The following CYP2C18 variants were observed in gnomAD, a reference collection of about 807,000 sequenced individuals.
CYP2C18 encodes the protein cytochrome P450 2C18.
In CYP2C18, 38 loss-of-function variants were observed where a neutral mutation model predicts 41.3. That is an observed-to-expected ratio of 0.92 (90% CI 0.71 to 1.21). The LOEUF is 1.21. Among genes scored for constraint, CYP2C18 ranks in the 50% most tolerant of loss-of-function variants. The pLI is 0.00. For missense variants in CYP2C18, 635 were observed against 591.4 expected, an observed-to-expected ratio of 1.07 and a Z score of -0.77; for synonymous variants, 236 against 210.0, an observed-to-expected ratio of 1.12 and a Z score of -1.07.
chr10:94,714,176 G>T (rs1847498041), intron 5 of CYP2C18, among the ~76,000 whole-genome samples: 1 of 152,108 alleles, frequency 6.6e-6, no homozygotes, highest in Non-Finnish European at 1.5e-5. Context: ...AAGCTCTTTA[G>T]TTTAATTAGA....
intron 4 of CYP2C18, among the ~76,000 whole-genome samples, chr10:94,704,819 G>A (rs1269646558): frequency 6.6e-6 from 1 of 152,150 alleles, no homozygotes; most frequent in Non-Finnish European, 1.5e-5. Flanking sequence ...CAGGATTTTA[G>A]TGCTCTACTG....
chr10:94,714,057 T>A (rs1164175486), intron 5 of CYP2C18, among the ~76,000 whole-genome samples: 7 of 152,132 alleles, frequency 4.6e-5, no homozygotes, highest in Non-Finnish European at 8.8e-5. Context: ...GTTTGAGTTC[T>A]TTGTAGATTC....
chr10:94,702,736 T>C lies in CYP2C18; in HGVS notation c.643-4048T>C, dbSNP rs538798898. On this transcript the variant is annotated intron_variant, in intron 4 of 8. Transcript: ENST00000285979. ...ATCTTCTGAAGCCTACTTCTGTCAG[T>C]TTGTCAAACTCATTCTCCATCCAGT... Among the ~76,000 whole-genome samples the C allele has an allele frequency of 2.0e-5, 3 of 152,182 alleles. No individual in the cohort carries two copies. The East Asian group carries it at 5.8e-4, about 30-fold the overall frequency.
chr10:94,698,486 T>A (rs1183689516), intron 4 of CYP2C18, among the ~76,000 whole-genome samples: 1 of 152,128 alleles, frequency 6.6e-6, no homozygotes, highest in Non-Finnish European at 1.5e-5. Context: ...AAGCAGTGTG[T>A]AGAGGGAAAT....
At chr10:94,700,056 G>T (rs1341132492) in intron 4 of CYP2C18, among the ~76,000 whole-genome samples, 1 of 152,136 alleles carries the variant, frequency 6.6e-6, no homozygotes, top group Non-Finnish European at 1.5e-5. Flanking sequence ...TACTGCCCAA[G>T]GTAATTTATA....
At chr10:94,711,891 T>C (rs1387846624) in intron 5 of CYP2C18, among the ~76,000 whole-genome samples, 1 of 151,840 alleles carries the variant, frequency 6.6e-6, no homozygotes, top group Non-Finnish European at 1.5e-5. Flanking sequence ...GCCCAGGCTG[T>C]TGTGAAGTGG....
At chr10:94,729,212 T>C (rs1339400060) in intron 7 of CYP2C18, among the ~76,000 whole-genome samples, 1 of 152,130 alleles carries the variant, frequency 6.6e-6, no homozygotes, top group Non-Finnish European at 1.5e-5. Flanking sequence ...GCTGAGAAAA[T>C]ATAGGCAATG....
At chr10:94,703,372 G>C (rs1371140948) in intron 4 of CYP2C18, among the ~76,000 whole-genome samples, 3 of 152,186 alleles carry the variant, frequency 2.0e-5, no homozygotes, top group African/African-American at 7.2e-5. Flanking sequence ...CCTAGGAAGA[G>C]GTGGTTTTAT....
intron 5 of CYP2C18, among the ~76,000 whole-genome samples, chr10:94,719,016 T>C (rs1469351306): frequency 6.6e-6 from 1 of 152,122 alleles, no homozygotes; most frequent in Admixed American, 6.5e-5. Flanking sequence ...GCTCAGTACA[T>C]AGAAGTCTCT....
intron 5 of CYP2C18, among the ~76,000 whole-genome samples, chr10:94,718,068 C>T (rs1847585519): frequency 6.6e-6 from 1 of 151,926 alleles, no homozygotes; most frequent in African/African-American, 2.4e-5. Flanking sequence ...TTAACAATAT[C>T]AACTCTTCCA....
At chr10:94,698,019 C>T (rs1204929409) in intron 4 of CYP2C18, among the ~76,000 whole-genome samples, 4 of 152,108 alleles carry the variant, frequency 2.6e-5, no homozygotes, top group African/African-American at 4.8e-5. Context: ...TAGACTCCCA[C>T]ACAATAATAA....
chr10:94,722,253 G>A (rs1847659231), intron 6 of CYP2C18, among the ~76,000 whole-genome samples: 1 of 151,874 alleles, frequency 6.6e-6, no homozygotes, highest in South Asian at 2.1e-4. Flanking sequence ...CTAGAAAAAT[G>A]GTACTTGTCA....
chr10:94,713,318 C>T (rs1258669838), intron 5 of CYP2C18, among the ~76,000 whole-genome samples: 1 of 152,020 alleles, frequency 6.6e-6, no homozygotes, highest in Admixed American at 6.6e-5. Context: ...TCTCTTAATG[C>T]TATCCCTCCC....
At chr10:94,688,579 T>C (rs1333336920) in intron 3 of CYP2C18, among the ~76,000 whole-genome samples, 2 of 152,198 alleles carry the variant, frequency 1.3e-5, no homozygotes, top group African/African-American at 4.8e-5. Context: ...AGATCTTTCA[T>C]GATAGTGGTT....
intron 3 of CYP2C18, 116 bp downstream of exon 3, chr10:94,688,390 T>G (rs1846935297): frequency 8.3e-7 from 1 of 1,207,414 alleles, no homozygotes; most frequent in Admixed American, 2.7e-5. Context: ...TTTTGTTACA[T>G]GCACAGAATG....
intron 7 of CYP2C18, among the ~76,000 whole-genome samples, chr10:94,725,162 A>G (rs923838615): frequency 4.0e-5 from 6 of 150,462 alleles, no homozygotes; most frequent in Non-Finnish European, 8.9e-5. Flanking sequence ...GCACAGATTG[A>G]TCTTCTGGGC....
chr10:94,693,093 A>G (rs568090372), intron 3 of CYP2C18, among the ~76,000 whole-genome samples: 2 of 152,292 alleles, frequency 1.3e-5, no homozygotes, highest in Admixed American at 6.5e-5. Context: ...CAGCACACCA[A>G]CATGGCACAC....
chr10:94,684,089 T>C, intron 1 of CYP2C18, 102 bp downstream of exon 1: 3 of 785,738 alleles, frequency 3.8e-6, no homozygotes, highest in Non-Finnish European at 5.7e-6. Flanking sequence ...TAATTGTATA[T>C]ATTAATGGGG....
intron 5 of CYP2C18, among the ~76,000 whole-genome samples, chr10:94,718,628 A>C (rs1847595975): frequency 1.3e-5 from 2 of 152,148 alleles, no homozygotes; most frequent in African/African-American, 4.8e-5. Flanking sequence ...CACTATCAGG[A>C]GCAGCAATTT....
Sources: allele counts gnomAD v4.1 joint callset (sites outside exome capture counted in the v4.1 genomes callset), GRCh38; gene constraint gnomAD v4.1.1; transcripts MANE v1.5; gene names NCBI Gene and HGNC (gene_info 2026-07-23, HGNC 2026-07-21).